ITSN1: variants seen among roughly 807,000 people sequenced by gnomAD.
The protein encoded by ITSN1 is intersectin-1.
A neutral mutation model predicts 239.8 loss-of-function variants in ITSN1; 58 were observed. The observed-to-expected ratio is 0.24, with a 90% CI of 0.20 to 0.30. The LOEUF (loss-of-function observed/expected upper bound fraction) is 0.30, where lower values mean the gene tolerates loss of function less well. Ranked by LOEUF, ITSN1 falls within the 10% of genes least tolerant of loss-of-function variation. The pLI is 1.00. For synonymous variants in ITSN1, 780 were observed against 770.8 expected (o/e 1.01, Z -0.20); for missense variants, 1,558 against 2,103.3 (o/e 0.74, Z 5.07).
intron 25 of ITSN1, among the ~76,000 whole-genome samples, chr21:33,824,799 T>C (rs1385343539): frequency 6.6e-6 from 1 of 152,244 alleles, no homozygotes; most frequent in Non-Finnish European, 1.5e-5. Context: ...TTGGTTTTTC[T>C]TGCTGCGGTC....
intron 20 of ITSN1, among the ~76,000 whole-genome samples, chr21:33,806,235 C>T (rs970411512): frequency 3.3e-5 from 5 of 151,952 alleles, no homozygotes; most frequent in African/African-American, 1.2e-4. Flanking sequence ...TTAATATCCT[C>T]ATCTAGGAAT....
intron 34 of ITSN1, among the ~76,000 whole-genome samples, chr21:33,876,899 GTAGATA>G (rs147788123): frequency 9.1e-4 from 138 of 151,056 alleles, no homozygotes; most frequent in African/African-American, 3.1e-3. Context: ...AGATATAGAT[GTAGATA>G]TAGATATAGA....
In ITSN1 at chr21:33,876,151, T is replaced by TTCTCTC. The variant is rs753621261; in HGVS notation, c.4341+635_4341+640dup. On this transcript the variant is annotated intron_variant, in intron 34 of 39. Coordinates refer to ENST00000381318, the MANE Select transcript of ITSN1 (RefSeq NM_003024.3). ...TTTCTTTCTTTCTTTCTTTCTTTCT[T>TTCTCTC]TCTCTCTCTCCCTCTTTCTTTCTTT... Among the ~76,000 whole-genome samples, 75 of 42,812 alleles carry TTCTCTC rather than the reference T, an allele frequency of 1.8e-3. 1 individual carries two copies. The highest frequency in any genetic ancestry group is 3.3e-3 in the Admixed American group (14 of 4,202). 28.1% of individuals were successfully genotyped at this position (42,812 alleles called of 152,430 possible). A position where few individuals can be genotyped will look rare whatever the true frequency, so the allele number is the denominator to read the frequency against.
In ITSN1 at chr21:33,811,159, C is replaced by T. The variant is rs1228743977; in HGVS notation, c.2504C>T (p.Pro835Leu). The stretch of plus-strand genomic sequence containing the variant: ...CTGGCCTTGCGTGAGACCCCCGCCC[C>T]TTTGGCAGTAACCTCTTCAGAGCCC... ...PKLALRETPAPLAVTSSEPST... is the reference protein window; with the variant it reads ...PKLALRETPALLAVTSSEPST... The change falls in exon 21 of 40, where the codon CCT becomes CTT. Residue 835 changes from proline (P) to leucine (L), a missense_variant. Pro to Leu is a moderately conservative substitution (Grantham distance 98). Coordinates refer to ENST00000381318, the MANE Select transcript of ITSN1 (RefSeq NM_003024.3). The T allele has an allele frequency of 6.2e-7, 1 of 1,613,770 alleles. No homozygotes were observed. The highest frequency in any genetic ancestry group is 1.1e-5 in the South Asian group (1 of 91,048).
intron 32 of ITSN1, among the ~76,000 whole-genome samples, chr21:33,866,470 A>G (rs1981600778): frequency 6.6e-6 from 1 of 151,748 alleles, no homozygotes; most frequent in Non-Finnish European, 1.5e-5. Context: ...AGCCCAGAGC[A>G]GGGGCCTCAT....
intron 31 of ITSN1, among the ~76,000 whole-genome samples, chr21:33,861,593 G>T (rs780078669): frequency 2.0e-5 from 3 of 152,136 alleles, no homozygotes; most frequent in Non-Finnish European, 4.4e-5. Flanking sequence ...GGGCCAGACA[G>T]GTCTAGAACC....
chr21:33,651,204 G>T (rs1379548658), intron 1 of ITSN1, among the ~76,000 whole-genome samples: 1 of 152,236 alleles, frequency 6.6e-6, no homozygotes, highest in Non-Finnish European at 1.5e-5. Context: ...GAGACAGGTG[G>T]GGAGTGAAGG....
chr21:33,842,895 G>C (rs1327230465), intron 29 of ITSN1, among the ~76,000 whole-genome samples: 1 of 152,078 alleles, frequency 6.6e-6, no homozygotes, highest in Non-Finnish European at 1.5e-5. Context: ...TGAAACCCCT[G>C]ACGCCCCTGC....
intron 24 of ITSN1, among the ~76,000 whole-genome samples, chr21:33,820,574 A>AT (rs1366607447): frequency 6.6e-6 from 1 of 152,190 alleles, no homozygotes; most frequent in Admixed American, 6.5e-5. Context: ...GGATTAAGGT[A>AT]TAATGGTATT....
chr21:33,810,016 C>T (rs2072784941), intron 20 of ITSN1, among the ~76,000 whole-genome samples: 1 of 152,132 alleles, frequency 6.6e-6, no homozygotes, highest in African/African-American at 2.4e-5. Context: ...TGGTCTCAAA[C>T]TTCCGACCTC....
In ITSN1 at chr21:33,875,393, C is replaced by T; in HGVS notation, c.4213C>T (p.His1405Tyr). Reference protein sequence around the residue: ...NTPENHPDHSHLKHALEKAEE... With the variant: ...NTPENHPDHSYLKHALEKAEE... ...CCCTGAAAACCACCCGGACCACAGCCACTTGAAGCACGCCCTGGAGAAGGC... is the reference window on the plus strand; with the variant it reads ...CCCTGAAAACCACCCGGACCACAGCTACTTGAAGCACGCCCTGGAGAAGGC... The change falls in exon 34 of 40, where the codon CAC (histidine) becomes TAC (tyrosine). Residue 1405 changes from histidine to tyrosine, a missense_variant. Transcript: ENST00000381318. The T allele has an allele frequency of 6.2e-7, 1 of 1,614,070 alleles. No individual in the cohort carries two copies. The highest frequency in any genetic ancestry group is 8.5e-7 in the Non-Finnish European group (1 of 1,179,982).
intron 33 of ITSN1, 131 bp from the exon 34 acceptor site, chr21:33,875,223 G>A (rs1250789505): frequency 2.0e-5 from 18 of 910,910 alleles, no homozygotes; most frequent in African/African-American, 8.2e-5. Context: ...TCAGAGCTGC[G>A]ATTGCTCAAG....
chr21:33,792,700 C>T (rs1352154695), intron 16 of ITSN1, among the ~76,000 whole-genome samples: 2 of 152,146 alleles, frequency 1.3e-5, no homozygotes, highest in African/African-American at 4.8e-5. Context: ...TGTGAGGCTG[C>T]ATCATTGCTT....
Position 33,885,529 on chromosome 21 carries a change from C to A in ITSN1, c.4843+7C>A. The A allele has an allele frequency of 6.2e-7, 1 of 1,612,722 alleles. No individual in the cohort carries two copies. The highest frequency in any genetic ancestry group is 8.5e-7 in the Non-Finnish European group (1 of 1,178,848). Reference sequence around the variant, plus strand: ...AAACCCTGTCGGTCACATGGTAAGGCTGTGAGGCGCCCCCGGCTCCTGCTT... The same window carrying A: ...AAACCCTGTCGGTCACATGGTAAGGATGTGAGGCGCCCCCGGCTCCTGCTT... On this transcript the variant is annotated splice_region_variant and intron_variant, in intron 38 of 39. Coordinates refer to ENST00000381318, the MANE Select transcript of ITSN1 (RefSeq NM_003024.3).
Position 33,645,484 on chromosome 21 carries a change from A to T in ITSN1, c.-33+2771A>T, listed in dbSNP as rs78209588. Among the ~76,000 whole-genome samples, 47 of 151,218 alleles carry T rather than the reference A, an allele frequency of 3.1e-4. No individual in the cohort carries two copies. In the South Asian group the frequency reaches 4.0e-3, roughly 13 times the overall value. On this transcript the variant is annotated intron_variant, in intron 1 of 39. Coordinates refer to ENST00000381318, the MANE Select transcript of ITSN1 (RefSeq NM_003024.3). ...AGGGAAACCTGGTCTCTAAAAAAAA[A>T]TTTTTTTTAATATTCTGGGCTTAGT... is the stretch of plus-strand genomic sequence containing the variant.
intron 22 of ITSN1, among the ~76,000 whole-genome samples, chr21:33,815,885 G>A (rs1052064817): frequency 1.8e-4 from 20 of 111,234 alleles, no homozygotes; most frequent in African/African-American, 4.3e-4. Context: ...TGAGGGATCC[G>A]ACAAAGAAGA....
chr21:33,789,056 A>G (rs2070894683), intron 16 of ITSN1, among the ~76,000 whole-genome samples: 1 of 152,206 alleles, frequency 6.6e-6, no homozygotes, highest in South Asian at 2.1e-4. Flanking sequence ...TTATTTTTCA[A>G]AATTTTCCAT....
Position 33,818,443 on chromosome 21 carries a change from C to T in ITSN1, c.2904C>T (p.Leu968=). The T allele has an allele frequency of 6.2e-7, 1 of 1,614,126 alleles. No individual in the cohort carries two copies. The highest frequency in any genetic ancestry group is 8.5e-7 in the Non-Finnish European group (1 of 1,179,968). The change falls in exon 23 of 40, where the codon CTC becomes CTT. Residue 968 remains leucine, a synonymous_variant. Coordinates refer to ENST00000381318, the MANE Select transcript of ITSN1 (RefSeq NM_003024.3). ...GGTTCCCCAAGTCTTACGTGAAACTCATTTCAGGGCCCATAAGGAAGTCTA... is the reference window on the plus strand; with the variant it reads ...GGTTCCCCAAGTCTTACGTGAAACTTATTTCAGGGCCCATAAGGAAGTCTA... ...KGWFPKSYVK[L]ISGPIRKSTS...
In ITSN1 at chr21:33,693,363, T is replaced by TG. The variant is rs577356667; in HGVS notation, c.-32-25427dup. Among the ~76,000 whole-genome samples, 815 of 150,526 alleles carry TG rather than the reference T, an allele frequency of 5.4e-3. 7 individuals are homozygous for TG. The highest frequency in any genetic ancestry group is 0.019 in the African/African-American group (777 of 41,076). ...TTTTGTTTTGTTTTGTTTTTTTTGG[T>TG]GGGGGGGTGGGGGATGGAGTTTTAC... is the stretch of plus-strand genomic sequence containing the variant. On this transcript the variant is annotated intron_variant, in intron 1 of 39. Coordinates refer to ENST00000381318, the MANE Select transcript of ITSN1 (RefSeq NM_003024.3).
Sources: allele counts gnomAD v4.1 joint callset (sites outside exome capture counted in the v4.1 genomes callset), GRCh38; gene constraint gnomAD v4.1.1; transcripts MANE v1.5; gene names NCBI Gene and HGNC (gene_info 2026-07-23, HGNC 2026-07-21).